The following CLOCK variants were observed in gnomAD, a reference collection of about 807,000 sequenced individuals.
CLOCK encodes circadian locomoter output cycles protein kaput.
In CLOCK, 43 loss-of-function variants were observed where a neutral mutation model predicts 118.4. The ratio of observed to expected loss-of-function variants is 0.36; its 90% CI spans 0.28 to 0.47. The LOEUF (loss-of-function observed/expected upper bound fraction) is 0.47. Ranked by LOEUF, CLOCK falls within the 20% of genes least tolerant of loss-of-function variation. The pLI is 1.00. For missense variants in CLOCK, 846 were observed against 999.9 expected (o/e 0.85, Z 2.08); for synonymous variants, 326 against 339.2 (o/e 0.96, Z 0.43).
chr4:55,527,211 A>G (rs1234092168), intron 1 of CLOCK, among the ~76,000 whole-genome samples: 1 of 152,170 alleles, frequency 6.6e-6, no homozygotes, highest in Non-Finnish European at 1.5e-5. Context: ...CAGATAAATA[A>G]TATGTGGAAT....
chr4:55,544,031 G>A (rs1731450931), intron 1 of CLOCK, among the ~76,000 whole-genome samples: 2 of 152,104 alleles, frequency 1.3e-5, no homozygotes, highest in Admixed American at 6.5e-5. Context: ...TCACCAGGGG[G>A]AGTTTGAGGG....
chr4:55,508,852 A>G (rs1383082068), intron 2 of CLOCK, among the ~76,000 whole-genome samples: 2 of 152,238 alleles, frequency 1.3e-5, no homozygotes, highest in South Asian at 2.1e-4. Flanking sequence ...TCGGCCTCCC[A>G]AAGTGCTGGG....
At chr4:55,517,983 G>A (rs991330262) in intron 1 of CLOCK, among the ~76,000 whole-genome samples, 34 of 152,034 alleles carry the variant, frequency 2.2e-4, no homozygotes, top group Non-Finnish European at 3.5e-4. Flanking sequence ...GTGGGGAGTC[G>A]GATCGCAGGA....
rs1461695101 is a variant in CLOCK at position 55,433,567 on chromosome 4, C to T, written c.*1848G>A. On this transcript the variant is annotated 3_prime_UTR_variant, in exon 23 of 23. Coordinates refer to ENST00000513440, the MANE Select transcript of CLOCK (RefSeq NM_004898.4). ...TTCAGAACCTTTTCTGTTTTAACAA[C>T]CTCAACTCTGTTACACATTTTCTTT... 1.3e-5 allele frequency: 2 copies of T among 152,134 alleles called. No homozygotes were observed. The highest frequency in any genetic ancestry group is 2.1e-4 in the South Asian group (1 of 4,820). The allele number at this position is 152,134 out of a possible 1,614,324, so 9.4% of individuals were successfully genotyped here.
intron 21 of CLOCK, 22 bp downstream of exon 21, chr4:55,442,410 A>C: frequency 6.3e-7 from 1 of 1,589,716 alleles, no homozygotes; most frequent in Non-Finnish European, 8.6e-7. Context: ...TTTAAAAATA[A>C]CAAATGAAAT....
chr4:55,508,737 C>T (rs1367764778), intron 2 of CLOCK, among the ~76,000 whole-genome samples: 14 of 151,994 alleles, frequency 9.2e-5, no homozygotes, highest in Non-Finnish European at 2.9e-5. Flanking sequence ...GGACTACAGG[C>T]GCCTGCCACC....
intron 18 of CLOCK, 46 bp from the exon 19 acceptor site, chr4:55,444,831 T>G: frequency 6.4e-7 from 1 of 1,574,782 alleles, no homozygotes; most frequent in Non-Finnish European, 8.7e-7. Context: ...TTAGAATTAC[T>G]TACTCCTTAT....
rs1481880706 is a variant in CLOCK at position 55,431,261 on chromosome 4, G to C, written c.*4154C>G. 1 of 152,130 alleles carries C rather than the reference G, an allele frequency of 6.6e-6. No homozygotes were observed. Among genetic ancestry groups the C allele is most frequent in the Non-Finnish European group, 1.5e-5 (1 of 68,034 alleles). The allele number at this position is 152,130 out of a possible 1,614,324, so 9.4% of individuals were successfully genotyped here. ...ACTATCTTTTGGTAGGCTGACAATA[G>C]GCACATTACCCATGCGGATGAGGCT... On this transcript the variant is annotated 3_prime_UTR_variant, in exon 23 of 23. Coordinates refer to ENST00000513440, the MANE Select transcript of CLOCK (RefSeq NM_004898.4).
At chr4:55,520,090 G>A (rs1019493519) in intron 1 of CLOCK, among the ~76,000 whole-genome samples, 2 of 152,180 alleles carry the variant, frequency 1.3e-5, no homozygotes, top group Admixed American at 1.3e-4. Flanking sequence ...TTTTAGCATA[G>A]TCTCCCTGAA....
chr4:55,460,890 T>C (rs1725287890), intron 9 of CLOCK, among the ~76,000 whole-genome samples: 2 of 152,044 alleles, frequency 1.3e-5, no homozygotes, highest in Admixed American at 1.3e-4. Flanking sequence ...TCAAGTCCTA[T>C]TGAGTTTACA....
chr4:55,461,630 T>C (rs972271707), intron 9 of CLOCK, among the ~76,000 whole-genome samples: 4 of 152,116 alleles, frequency 2.6e-5, no homozygotes, highest in African/African-American at 9.7e-5. Context: ...GCAGGTCAGG[T>C]GAGCACAGCC....
intron 1 of CLOCK, among the ~76,000 whole-genome samples, chr4:55,516,363 A>G (rs1729514749): frequency 6.6e-6 from 1 of 152,200 alleles, no homozygotes; most frequent in South Asian, 2.1e-4. Flanking sequence ...TGCCTCACAT[A>G]CTTACATGCT....
chr4:55,523,677 A>G (rs1182970416), intron 1 of CLOCK, among the ~76,000 whole-genome samples: 1 of 152,014 alleles, frequency 6.6e-6, no homozygotes, highest in Non-Finnish European at 1.5e-5. Context: ...CATCTCTAAT[A>G]CCTCTCCAGA....
chr4:55,510,471 A>G (rs1729068737), intron 1 of CLOCK, among the ~76,000 whole-genome samples: 1 of 152,044 alleles, frequency 6.6e-6, no homozygotes, highest in Non-Finnish European at 1.5e-5. Context: ...TACTAAAAAT[A>G]CAAAAATTAG....
rs577605184 is a variant in CLOCK, at chr4:55,462,736, T to C, written c.559+949A>G. Among the ~76,000 whole-genome samples, 6 of 152,350 alleles carry C rather than the reference T, an allele frequency of 3.9e-5. No individual in the cohort carries two copies. In the South Asian group the frequency reaches 1.2e-3, roughly 32 times the overall value. On this transcript the variant is annotated intron_variant, in intron 9 of 22. Coordinates refer to ENST00000513440, the MANE Select transcript of CLOCK (RefSeq NM_004898.4). The stretch of plus-strand genomic sequence containing the variant: ...GAGTGGCCTAATGGTCAATGTCATA[T>C]GAACTTGGTTTTAAAACAAGGCTTG...
chr4:55,432,155 T>TAGACCGTAG lies in CLOCK; in HGVS notation c.*3251_*3259dup, dbSNP rs1722553297. On this transcript the variant is annotated 3_prime_UTR_variant, in exon 23 of 23. Transcript: ENST00000513440. ...CCCGGAATTTGGGATGCTCGAAGGC[T>TAGACCGTAG]AGACCGTAGTATTTACTCACATGCT... is the stretch of plus-strand genomic sequence containing the variant. The TAGACCGTAG allele has an allele frequency of 6.6e-6, 1 of 152,216 alleles. No individual in the cohort carries two copies. Among genetic ancestry groups the TAGACCGTAG allele is most frequent in the Non-Finnish European group, 1.5e-5 (1 of 68,032 alleles). The allele number at this position is 152,216 out of a possible 1,614,324, so 9.4% of individuals were successfully genotyped here.
chr4:55,454,924 G>C (rs17778434), intron 13 of CLOCK, among the ~76,000 whole-genome samples: 4,570 of 136,228 alleles, frequency 0.034, 110 homozygotes, highest in Admixed American at 0.092. Flanking sequence ...CAAACTTGCT[G>C]TCCAAAGTTA....
chr4:55,484,910 A>G (rs972008329), intron 3 of CLOCK, among the ~76,000 whole-genome samples: 2 of 152,166 alleles, frequency 1.3e-5, no homozygotes, highest in Non-Finnish European at 2.9e-5. Flanking sequence ...GTTGTTAACA[A>G]TATTCTTCCA....
intron 1 of CLOCK, among the ~76,000 whole-genome samples, chr4:55,531,661 C>T (rs1180999947): frequency 7.8e-6 from 1 of 128,410 alleles, no homozygotes; most frequent in Non-Finnish European, 1.6e-5. Flanking sequence ...GTCGAGATCA[C>T]GCCACTGTAT....
Sources: gnomAD v4.1 joint callset for allele counts (sites outside exome capture counted in the v4.1 genomes callset) on GRCh38, gnomAD v4.1.1 for gene constraint, MANE v1.5 for transcripts, NCBI Gene and HGNC (gene_info 2026-07-23, HGNC 2026-07-21) for gene names.